The following HAL variants were observed in gnomAD, a reference collection of about 807,000 sequenced individuals.
HAL encodes histidase.
Under a neutral mutation model 81.1 loss-of-function variants are expected in HAL, and 85 were observed. The observed-to-expected ratio is 1.05, with a 90% CI of 0.88 to 1.25. The LOEUF (loss-of-function observed/expected upper bound fraction) is 1.25. Among genes scored for constraint, HAL ranks in the 50% most tolerant of loss-of-function variants. The pLI, the probability that HAL is intolerant of heterozygous loss-of-function variation, is 0.00. For synonymous variants in HAL, 301 were observed against 309.2 expected, an observed-to-expected ratio of 0.97 and a Z score of 0.28; for missense variants, 798 against 836.6, an observed-to-expected ratio of 0.95 and a Z score of 0.57.
chr12:95,995,634 C>T, intron 2 of HAL, 30 bp downstream of exon 2: 1 of 1,611,502 alleles, frequency 6.2e-7, no homozygotes, highest in Non-Finnish European at 8.5e-7. Flanking sequence ...AAACCGCACC[C>T]GTTCGCGGCC....
chr12:95,982,985 C>T (rs56361316), intron 15 of HAL, among the ~76,000 whole-genome samples: 21,754 of 152,204 alleles, frequency 0.14, 2,022 homozygotes, highest in Non-Finnish European at 0.22. Flanking sequence ...TGAGATAAGC[C>T]ACACCATTAA....
At chr12:95,981,950 T>A (rs1333059205) in intron 15 of HAL, among the ~76,000 whole-genome samples, 1 of 152,242 alleles carries the variant, frequency 6.6e-6, no homozygotes, top group African/African-American at 2.4e-5. Context: ...TAGAGATGTA[T>A]GTGTTACATT....
In HAL at chr12:95,987,154, G is replaced by A. The variant is rs34457757; in HGVS notation, c.964C>T (p.Arg322Ter). Reference sequence around the variant, plus strand: ...GCCTGCCGTGCAATAGCACTGGCTCGCTCTACAGCTTCACAGCCCAGGGAT... The same window carrying A: ...GCCTGCCGTGCAATAGCACTGGCTCACTCTACAGCTTCACAGCCCAGGGAT... ...ITSLGCEAVE[R>*]ASAIARQADI... The change falls in exon 12 of 21, where the codon CGA (arginine) becomes TGA (stop). Residue 322 changes from arginine (R) to a stop codon, truncating the protein, a stop_gained. Coordinates refer to ENST00000261208, the MANE Select transcript of HAL (RefSeq NM_002108.4). LOFTEE classifies it high-confidence loss of function. 860 of 1,613,344 alleles carry A rather than the reference G, an allele frequency of 5.3e-4. 5 individuals carry two copies. In the African/African-American group the frequency reaches 9.3e-3, roughly 17 times the overall value.
rs1464605124 is a variant in HAL, at chr12:95,987,337, G to A, written c.904-123C>T. ...GCCAGTCATAAACATAAAAAATTAT[G>A]TTTATGTTTTCTAAAGTGCGGGACA... On this transcript the variant is annotated intron_variant, in intron 11 of 20. Coordinates refer to ENST00000261208, the MANE Select transcript of HAL (RefSeq NM_002108.4). 5 of 831,838 alleles carry A rather than the reference G, an allele frequency of 6.0e-6. No individual in the cohort carries two copies. In the East Asian group the frequency reaches 9.7e-5, roughly 16 times the overall value. The allele number at this position is 831,838 out of a possible 1,614,324, so 51.5% of individuals were successfully genotyped here. A position where few individuals can be genotyped will look rare whatever the true frequency, so the allele number is the denominator to read the frequency against.
At chr12:95,988,752 G>A (rs1319692145) in intron 10 of HAL, among the ~76,000 whole-genome samples, 1 of 152,168 alleles carries the variant, frequency 6.6e-6, no homozygotes, top group Non-Finnish European at 1.5e-5. Context: ...CCAATGAAGA[G>A]GGGATTATAA....
intron 15 of HAL, among the ~76,000 whole-genome samples, chr12:95,983,404 A>G (rs1454648034): frequency 6.6e-6 from 1 of 152,216 alleles, no homozygotes; most frequent in Non-Finnish European, 1.5e-5. Context: ...AACAAAAAAA[A>G]AAATGCCAAA....
intron 8 of HAL, 54 bp from the exon 9 acceptor site, chr12:95,992,859 C>G: frequency 6.8e-7 from 1 of 1,474,802 alleles, no homozygotes; most frequent in Non-Finnish European, 9.3e-7. Context: ...TTTTTGTCTC[C>G]TGACAATTGC....
Position 95,987,224 on chromosome 12 carries a change from G to A in HAL, c.904-10C>T, listed in dbSNP as rs1949901751. 1 of 1,612,608 alleles carries A rather than the reference G, an allele frequency of 6.2e-7. No individual in the cohort carries two copies. Among genetic ancestry groups the A allele is most frequent in the Non-Finnish European group, 8.5e-7 (1 of 1,178,574 alleles). ...TGATGAGTGCCAGGCCCTGTCGGGG[G>A]AGAGAGCAAAGTTTCCTACTGTGAT... On this transcript the variant is annotated splice_polypyrimidine_tract_variant and intron_variant, in intron 11 of 20. Transcript: ENST00000261208.
intron 17 of HAL, among the ~76,000 whole-genome samples, chr12:95,978,899 G>A (rs908260360): frequency 2.6e-5 from 4 of 152,144 alleles, no homozygotes; most frequent in East Asian, 1.9e-4. Context: ...GCATGGGATC[G>A]CATCCTAAGA....
intron 15 of HAL, chr12:95,983,535 G>T (rs1949836466): frequency 3.3e-6 from 1 of 307,064 alleles, no homozygotes; most frequent in Non-Finnish European, 6.2e-6. Context: ...AAATTGTTCA[G>T]CATTTCTGCA....
intron 17 of HAL, among the ~76,000 whole-genome samples, chr12:95,978,298 A>G (rs2080748806): frequency 1.3e-5 from 2 of 152,180 alleles, no homozygotes; most frequent in African/African-American, 4.8e-5. Flanking sequence ...TTCTGAGGTA[A>G]GACGGAGATG....
rs571746166 is a variant in HAL, at chr12:95,992,809, C to A, written c.590-4G>T. ...GGACTTAGTGGTTTCCCAACACCTG[C>A]AAAACAGAATTGATGTTTTCTCCAA... is the stretch of plus-strand genomic sequence containing the variant. On this transcript the variant is annotated splice_polypyrimidine_tract_variant and splice_region_variant and intron_variant, in intron 8 of 20. Transcript: ENST00000261208. The A allele has an allele frequency of 2.5e-6, 4 of 1,612,562 alleles. No individual in the cohort carries two copies. Among genetic ancestry groups the A allele is most frequent in the Admixed American group, 3.3e-5 (2 of 60,010 alleles).
chr12:95,977,236 C>T (rs1285695890), intron 18 of HAL, among the ~76,000 whole-genome samples: 1 of 152,044 alleles, frequency 6.6e-6, no homozygotes, highest in African/African-American at 2.4e-5. Flanking sequence ...CCGTGAATTC[C>T]ACAACTTCAT....
intron 17 of HAL, among the ~76,000 whole-genome samples, chr12:95,978,563 C>T (rs2080753571): frequency 6.6e-6 from 1 of 152,120 alleles, no homozygotes; most frequent in Admixed American, 6.5e-5. Context: ...CGATGACTGC[C>T]AGAAATATCT....
chr12:95,986,230 A>C, intron 12 of HAL, 70 bp from the exon 13 acceptor site: 221 of 913,318 alleles, frequency 2.4e-4, no homozygotes, highest in Non-Finnish European at 3.5e-4. Context: ...TGGGGGTCTC[A>C]CTACGTTCCC....
intron 15 of HAL, among the ~76,000 whole-genome samples, chr12:95,981,157 G>C (rs548449878): frequency 6.7e-6 from 1 of 149,044 alleles, no homozygotes; most frequent in Non-Finnish European, 1.5e-5. Context: ...CTGGTGGTTA[G>C]TACCTGCCCT....
At chr12:95,978,757 T>G (rs749482935) in intron 17 of HAL, among the ~76,000 whole-genome samples, 1 of 152,172 alleles carries the variant, frequency 6.6e-6, no homozygotes, top group Non-Finnish European at 1.5e-5. Context: ...ACACTATAAG[T>G]AGCAAAAACT....
intron 14 of HAL, 116 bp downstream of exon 14, chr12:95,985,792 T>C (rs1269798842): frequency 1.4e-6 from 1 of 716,472 alleles, no homozygotes. Context: ...GGACTATAGT[T>C]GACCATTACA....
In HAL at chr12:95,990,445, A is replaced by G. The variant is rs773965130; in HGVS notation, c.803T>C (p.Val268Ala). The change falls in exon 10 of 21, where the codon GTT (valine) becomes GCT (alanine). Residue 268 changes from valine (V) to alanine (A), a missense_variant. Physicochemically the swap from Val to Ala is moderately conservative, Grantham distance 64. Coordinates refer to ENST00000261208, the MANE Select transcript of HAL (RefSeq NM_002108.4). The part of the protein sequence containing the change: ...APLSHLALGL[V>A]GEGKMWSPKS... ...CGGAGACCACATCTTCCCTTCTCCA[A>G]CTAGCCCAAGAGCAAGATGAGAGAG... 8 of 1,613,096 alleles carry G rather than the reference A, an allele frequency of 5.0e-6. No individual in the cohort carries two copies. The Admixed American group carries it at 6.7e-5, about 13-fold the overall frequency.
Sources: allele counts gnomAD v4.1 joint callset (sites outside exome capture counted in the v4.1 genomes callset), GRCh38; gene constraint gnomAD v4.1.1; transcripts MANE v1.5; gene names NCBI Gene and HGNC (gene_info 2026-07-23, HGNC 2026-07-21).